Variants in CPAMD8 observed in about 807,000 individuals in gnomAD.
CPAMD8 encodes the protein C3 and PZP-like alpha-2-macroglobulin domain-containing protein 8.
A neutral mutation model predicts 224.7 loss-of-function variants in CPAMD8; 146 were observed. That is an observed-to-expected ratio of 0.65 (90% CI 0.57 to 0.75). The LOEUF is 0.75. Ranked by LOEUF, CPAMD8 falls within the 30% of genes least tolerant of loss-of-function variation. The probability of loss-of-function intolerance (pLI) is 0.00; values close to 1 mark genes in which losing one functional copy is unlikely to be tolerated. For missense variants in CPAMD8, 2,301 were observed against 2,537.5 expected (o/e 0.91, Z 2.00); for synonymous variants, 966 against 1,044.6 (o/e 0.92, Z 1.45).
chr19:16,912,512 G>A (rs1653675642), intron 29 of CPAMD8, among the ~76,000 whole-genome samples: 1 of 152,352 alleles, frequency 6.6e-6, no homozygotes, highest in Non-Finnish European at 1.5e-5. Context: ...ACTTTGGGAG[G>A]CCAAGGCAGG....
At chr19:16,897,645 G>A in intron 39 of CPAMD8, 46 bp downstream of exon 39, 2 of 1,118,420 alleles carry the variant, frequency 1.8e-6, no homozygotes, top group Non-Finnish European at 2.5e-6. Context: ...GGGAGTCGGG[G>A]TGTGGCAGGC....
chr19:16,893,682 G>A (rs1346204366), intron 41 of CPAMD8: 3 of 243,388 alleles, frequency 1.2e-5, no homozygotes, highest in Non-Finnish European at 2.4e-5. Flanking sequence ...GGGCCTGGGG[G>A]CCCTGGGAGT....
intron 28 of CPAMD8, 61 bp from the exon 29 acceptor site, chr19:16,914,559 T>G (rs1370785253): frequency 1.9e-6 from 3 of 1,607,712 alleles, no homozygotes; most frequent in African/African-American, 1.3e-5. Context: ...TCCCCCCACT[T>G]CCCCCAGGCA....
intron 3 of CPAMD8, among the ~76,000 whole-genome samples, chr19:17,019,962 T>A (rs2056909929): frequency 6.7e-6 from 1 of 150,122 alleles, no homozygotes; most frequent in Non-Finnish European, 1.5e-5. Context: ...TCTTTTTTTT[T>A]TTTCTTTTCT....
intron 23 of CPAMD8, among the ~76,000 whole-genome samples, chr19:16,936,464 G>A (rs1250064331): frequency 4.0e-5 from 6 of 151,790 alleles, no homozygotes; most frequent in Admixed American, 1.3e-4. Flanking sequence ...GTGCAGTGGC[G>A]CAATCTTGGC....
intron 32 of CPAMD8, 62 bp from the exon 33 acceptor site, chr19:16,903,919 A>C (rs1599661131): frequency 6.5e-7 from 1 of 1,532,302 alleles, no homozygotes. Context: ...GGTCCCCTGA[A>C]CCCCGTCTTG....
At chr19:16,915,629 A>C (rs1195036223) in intron 27 of CPAMD8, among the ~76,000 whole-genome samples, 1 of 152,212 alleles carries the variant, frequency 6.6e-6, no homozygotes, top group East Asian at 1.9e-4. Context: ...CAGGGAATGA[A>C]TGCATGAACA....
intron 8 of CPAMD8, among the ~76,000 whole-genome samples, chr19:17,002,944 C>T (rs2056379299): frequency 7.7e-6 from 1 of 130,284 alleles, no homozygotes; most frequent in Non-Finnish European, 1.6e-5. Context: ...CACTGTGTTT[C>T]CCAGGTTGGT....
intron 3 of CPAMD8, 39 bp downstream of exon 3, chr19:17,020,292 C>T (rs951394787): frequency 1.3e-6 from 2 of 1,508,118 alleles, no homozygotes; most frequent in African/African-American, 1.4e-5. Context: ...TTCTTTATTT[C>T]CAAGGTCAGG....
In CPAMD8 at chr19:16,990,243, ACT is replaced by A. The variant is rs142205478; in HGVS notation, c.1267-474_1267-473del. 6.2e-3 allele frequency among the ~76,000 whole-genome samples: 936 copies of A among 151,650 alleles called. 9 individuals carry two copies. The highest frequency in any genetic ancestry group is 0.02 in the African/African-American group (838 of 41,342). On this transcript the variant is annotated intron_variant, in intron 12 of 41. Coordinates refer to ENST00000443236, the MANE Select transcript of CPAMD8 (RefSeq NM_015692.5). ...CACTCCAGGCTGGCAACAGAGCAAG[ACT>A]CTGACTCAAAAAAAAAAGAAGCAAG... is the stretch of plus-strand genomic sequence containing the variant.
intron 19 of CPAMD8, among the ~76,000 whole-genome samples, chr19:16,953,026 A>C (rs535149596): frequency 6.6e-6 from 1 of 152,286 alleles, no homozygotes; most frequent in South Asian, 2.1e-4. Flanking sequence ...ACAGACATAC[A>C]GACCAATGGA....
Position 16,928,959 on chromosome 19 carries a change from G to A in CPAMD8, c.3127C>T (p.Arg1043Cys), listed in dbSNP as rs143655652. 1.3e-5 allele frequency: 21 copies of A among 1,607,790 alleles called. No individual in the cohort carries two copies. In the South Asian group the frequency reaches 1.8e-4, roughly 14 times the overall value. Residue 1043 changes from arginine to cysteine, a missense_variant, in exon 24 of 42, where the codon CGT (arginine) becomes TGT (cysteine). Arg to Cys is a radical substitution (Grantham distance 180). Transcript: ENST00000443236. ...CTGTATACCTGGATAAGGCCACCAC[G>A]CCAGCTGATCCAGAATGTTCTGAAT... ...DEFRTFWISW[R>C]GGLIQVGHGP...
chr19:16,904,566 A>G lies in CPAMD8; in HGVS notation c.4028-14T>C. The G allele has an allele frequency of 6.3e-7, 1 of 1,584,770 alleles. No individual in the cohort carries two copies. Among genetic ancestry groups the G allele is most frequent in the Non-Finnish European group, 8.7e-7 (1 of 1,153,222 alleles). The stretch of plus-strand genomic sequence containing the variant: ...GGGTGACCCCATCTGCAAGGAAAGG[A>G]GTGGTCAAGAGCTATAACCCACCCA... On this transcript the variant is annotated splice_polypyrimidine_tract_variant and intron_variant, in intron 30 of 41. Coordinates refer to ENST00000443236, the MANE Select transcript of CPAMD8 (RefSeq NM_015692.5).
intron 12 of CPAMD8, among the ~76,000 whole-genome samples, chr19:16,991,100 C>T (rs1478849764): frequency 7.9e-6 from 1 of 126,360 alleles, no homozygotes; most frequent in Non-Finnish European, 1.8e-5. Flanking sequence ...CGAAATGAGG[C>T]CCCCACAAAA....
At chr19:17,000,551 T>C in intron 9 of CPAMD8, 29 bp from the exon 10 acceptor site, 1 of 991,354 alleles carries the variant, frequency 1.0e-6, no homozygotes, top group Non-Finnish European at 1.6e-6. Context: ...GCATGCTCAA[T>C]TTCACAGCCA....
intron 26 of CPAMD8, among the ~76,000 whole-genome samples, chr19:16,923,959 CAA>C (rs113977173): frequency 3.9e-5 from 5 of 127,792 alleles, no homozygotes; most frequent in Admixed American, 1.6e-4. Flanking sequence ...CTAGCTCTTA[CAA>C]AAAAAAAAAA....
intron 18 of CPAMD8, among the ~76,000 whole-genome samples, chr19:16,967,891 A>ACG (rs1491310820): frequency 0.3 from 7,529 of 25,266 alleles, 1,393 homozygotes; most frequent in African/African-American, 0.39. Context: ...ATACACACAC[A>ACG]TGTGTGTGTA....
intron 40 of CPAMD8, 50 bp from the exon 41 acceptor site, chr19:16,896,376 A>G (rs2051989901): frequency 3.2e-6 from 5 of 1,540,616 alleles, no homozygotes; most frequent in Non-Finnish European, 3.5e-6. Context: ...GAGGGGACCC[A>G]AGGGCCGAGG....
At chr19:17,018,792 C>T (rs1282604142) in intron 3 of CPAMD8, among the ~76,000 whole-genome samples, 2 of 150,824 alleles carry the variant, frequency 1.3e-5, no homozygotes, top group Non-Finnish European at 2.9e-5. Flanking sequence ...GCCTGAGGTC[C>T]CAGCTACTTG....
Sources: gnomAD v4.1 joint callset for allele counts (sites outside exome capture counted in the v4.1 genomes callset) on GRCh38, gnomAD v4.1.1 for gene constraint, MANE v1.5 for transcripts, NCBI Gene and HGNC (gene_info 2026-07-23, HGNC 2026-07-21) for gene names.